The following SPAG16 variants were observed in gnomAD, a reference collection of about 807,000 sequenced individuals.
The protein encoded by SPAG16 is sperm associated antigen 16.
Under a neutral mutation model 80.4 loss-of-function variants are expected in SPAG16, and 86 were observed. That is an observed-to-expected ratio of 1.07 (90% CI 0.90 to 1.28). The LOEUF (loss-of-function observed/expected upper bound fraction) is 1.28, where lower values mean the gene tolerates loss of function less well. SPAG16 is among the 50% of genes most tolerant of loss of function. The probability of loss-of-function intolerance (pLI) is 0.00; values close to 1 mark genes in which losing one functional copy is unlikely to be tolerated. For missense variants in SPAG16, 870 were observed against 765.3 expected (o/e 1.14, Z -1.61); for synonymous variants, 294 against 265.9 (o/e 1.11, Z -1.03).
chr2:213,332,087 C>T (rs937918680), intron 5 of SPAG16, among the ~76,000 whole-genome samples: 1 of 151,728 alleles, frequency 6.6e-6, no homozygotes, highest in African/African-American at 2.4e-5. Context: ...ATACAAAAGT[C>T]AAGGAAACAA....
rs1043439625 is a variant in SPAG16, at chr2:214,039,319, C to T, written c.1527+25242C>T. Among the ~76,000 whole-genome samples, 6 of 152,208 alleles carry T rather than the reference C, an allele frequency of 3.9e-5. No individual in the cohort carries two copies. In the South Asian group the frequency reaches 1.0e-3, roughly 26 times the overall value. ...TGATGATGAGCATTTTTTCATGTGT[C>T]TTTTGGCTGCATAAATGTCTTCTTT... On this transcript the variant is annotated intron_variant, in intron 13 of 15. Coordinates refer to ENST00000331683, the MANE Select transcript of SPAG16 (RefSeq NM_024532.5).
intron 15 of SPAG16, among the ~76,000 whole-genome samples, chr2:214,187,263 C>G (rs935134496): frequency 6.6e-6 from 1 of 152,088 alleles, no homozygotes; most frequent in Non-Finnish European, 1.5e-5. Context: ...CCATAGTAAT[C>G]TCTTGTTTCA....
chr2:214,126,021 T>C (rs2054462762), intron 14 of SPAG16, among the ~76,000 whole-genome samples: 2 of 8,366 alleles, frequency 2.4e-4, no homozygotes, highest in Non-Finnish European at 4.9e-4. Context: ...CTTCCTTCCT[T>C]CCTTCCTTCC....
intron 13 of SPAG16, among the ~76,000 whole-genome samples, chr2:214,061,374 G>A (rs1393911284): frequency 6.6e-6 from 1 of 152,144 alleles, no homozygotes; most frequent in Admixed American, 6.6e-5. Flanking sequence ...ATTAGTATGA[G>A]TTTTCCAGAG....
At chr2:213,866,648 G>A (rs1021014706) in intron 11 of SPAG16, among the ~76,000 whole-genome samples, 6 of 151,870 alleles carry the variant, frequency 4.0e-5, no homozygotes, top group Non-Finnish European at 7.4e-5. Flanking sequence ...GAAGCTTAAT[G>A]AGTCAAAAGC....
chr2:213,837,524 G>A (rs1051940327), intron 10 of SPAG16, among the ~76,000 whole-genome samples: 33 of 152,042 alleles, frequency 2.2e-4, no homozygotes, highest in Middle Eastern at 3.2e-3. Context: ...TTACAGCCCC[G>A]GTAAAATGTT....
chr2:213,476,686 A>G (rs2073414575), intron 9 of SPAG16, among the ~76,000 whole-genome samples: 1 of 152,164 alleles, frequency 6.6e-6, no homozygotes, highest in Admixed American at 6.6e-5. Flanking sequence ...AGTGGGAAGG[A>G]GTGGCACCCA....
At chr2:213,503,521 A>G (rs1378766114) in intron 10 of SPAG16, among the ~76,000 whole-genome samples, 1 of 152,206 alleles carries the variant, frequency 6.6e-6, no homozygotes, top group Admixed American at 6.5e-5. Flanking sequence ...TGTGACTTCA[A>G]TATTTTAAGG....
At chr2:214,215,596 G>C (rs2058411819) in intron 15 of SPAG16, among the ~76,000 whole-genome samples, 1 of 152,182 alleles carries the variant, frequency 6.6e-6, no homozygotes, top group African/African-American at 2.4e-5. Flanking sequence ...TTATGTGACA[G>C]TGAAATTACT....
At chr2:214,163,742 G>T (rs2056545743) in intron 15 of SPAG16, among the ~76,000 whole-genome samples, 1 of 151,872 alleles carries the variant, frequency 6.6e-6, no homozygotes, top group Non-Finnish European at 1.5e-5. Flanking sequence ...TAGGCAAACA[G>T]TCTAGAGGCT....
At chr2:214,378,647 T>G (rs1277359467) in intron 15 of SPAG16, among the ~76,000 whole-genome samples, 4 of 152,154 alleles carry the variant, frequency 2.6e-5, no homozygotes, top group Non-Finnish European at 5.9e-5. Context: ...GGGCTACCTG[T>G]CACAGGGCCC....
chr2:214,017,591 A>C (rs1222054407), intron 13 of SPAG16, among the ~76,000 whole-genome samples: 2 of 152,158 alleles, frequency 1.3e-5, no homozygotes. Context: ...ATCTGCCTTG[A>C]ATGCATACAG....
chr2:214,409,425 G>A (rs960350993), intron 15 of SPAG16, among the ~76,000 whole-genome samples: 1 of 151,868 alleles, frequency 6.6e-6, no homozygotes, highest in Non-Finnish European at 1.5e-5. Context: ...ATTAAAATTG[G>A]ATCCCTGATT....
intron 11 of SPAG16, among the ~76,000 whole-genome samples, chr2:213,912,477 G>T (rs116157792): frequency 0.01 from 1,558 of 152,186 alleles, 34 homozygotes; most frequent in African/African-American, 0.034. Context: ...AATTATTTTT[G>T]TAAATTATAT....
chr2:214,282,556 T>A (rs1436668239), intron 15 of SPAG16, among the ~76,000 whole-genome samples: 1 of 152,182 alleles, frequency 6.6e-6, no homozygotes, highest in Non-Finnish European at 1.5e-5. Flanking sequence ...TACTACCTAT[T>A]CTAATAGGAC....
At chr2:214,385,223 G>GA (rs1289557050) in intron 15 of SPAG16, among the ~76,000 whole-genome samples, 1 of 152,142 alleles carries the variant, frequency 6.6e-6, no homozygotes, top group Non-Finnish European at 1.5e-5. Flanking sequence ...ATGCTCTTGA[G>GA]AGTTAACTTC....
chr2:214,298,681 A>G (rs1694326121), intron 15 of SPAG16, among the ~76,000 whole-genome samples: 1 of 152,218 alleles, frequency 6.6e-6, no homozygotes, highest in Non-Finnish European at 1.5e-5. Context: ...ACTGCTGATT[A>G]TATTGTAAGC....
rs770369388 is a variant in SPAG16 at position 214,013,947 on chromosome 2, A to G, written c.1401-4A>G. 7 of 1,612,626 alleles carry G rather than the reference A, an allele frequency of 4.3e-6. No individual in the cohort carries two copies. The highest frequency in any genetic ancestry group is 3.3e-5 in the Admixed American group (2 of 59,970). On this transcript the variant is annotated splice_region_variant and splice_polypyrimidine_tract_variant and intron_variant, in intron 12 of 15. Transcript: ENST00000331683. ...CCTAAAATTCTTAATTTCTCTCTTT[A>G]TAGTGAAAGATGCAGATGTACTTTG... is the stretch of plus-strand genomic sequence containing the variant.
intron 9 of SPAG16, among the ~76,000 whole-genome samples, chr2:213,406,081 G>A (rs1236663596): frequency 6.6e-6 from 1 of 152,156 alleles, no homozygotes; most frequent in Non-Finnish European, 1.5e-5. Flanking sequence ...GCTGATAGTG[G>A]CAAAGGCAAT....
Sources: allele counts gnomAD v4.1 joint callset (sites outside exome capture counted in the v4.1 genomes callset), GRCh38; gene constraint gnomAD v4.1.1; transcripts MANE v1.5; gene names NCBI Gene and HGNC (gene_info 2026-07-23, HGNC 2026-07-21).